TNRC6B: variants seen among roughly 807,000 people sequenced by gnomAD.
TNRC6B encodes the protein trinucleotide repeat-containing gene 6B protein.
A neutral mutation model predicts 203.6 loss-of-function variants in TNRC6B; 52 were observed. The ratio of observed to expected loss-of-function variants is 0.26; its 90% confidence interval spans 0.20 to 0.32. TNRC6B has a LOEUF of 0.32. TNRC6B is among the 10% of genes least tolerant of loss of function. The pLI is 1.00. For missense variants in TNRC6B, 1,923 were observed against 2,286.2 expected (o/e 0.84, Z 3.24); for synonymous variants, 838 against 845.7 (o/e 0.99, Z 0.16).
chr22:40,046,593 A>G (rs1043224547), intron 1 of TNRC6B, among the ~76,000 whole-genome samples: 2 of 148,804 alleles, frequency 1.3e-5, no homozygotes, highest in Non-Finnish European at 3.0e-5. Flanking sequence ...GATTTCCCTC[A>G]TTCAAATGGA....
Position 40,327,292 on chromosome 22 carries a change from G to A in TNRC6B, c.*4051G>A, listed in dbSNP as rs531706626. The stretch of plus-strand genomic sequence containing the variant: ...AGATACTCACCCATAAAGGAAATTG[G>A]AGTGGTTCTGGACAGGCCCCAAAGG... On this transcript the variant is annotated 3_prime_UTR_variant, in exon 23 of 23. Transcript: ENST00000454349. 1 of 152,788 alleles carries A rather than the reference G, an allele frequency of 6.5e-6. No homozygotes were observed. Among genetic ancestry groups the A allele is most frequent in the African/African-American group, 2.4e-5 (1 of 41,560 alleles). 9.5% of individuals were successfully genotyped at this position (152,788 alleles called of 1,614,324 possible).
chr22:40,069,697 G>T (rs560919145), intron 1 of TNRC6B, among the ~76,000 whole-genome samples: 2 of 151,878 alleles, frequency 1.3e-5, no homozygotes, highest in Non-Finnish European at 2.9e-5. Flanking sequence ...ATGTTGGTCA[G>T]GCTGGTCTTG....
At chr22:40,315,250 C>T in intron 19 of TNRC6B, 33 bp from the exon 20 acceptor site, 2 of 1,581,354 alleles carry the variant, frequency 1.3e-6, no homozygotes, top group Non-Finnish European at 1.7e-6. Flanking sequence ...AACCGTCTAA[C>T]CTTATTCCTT....
chr22:40,112,947 C>T (rs770119209), intron 1 of TNRC6B, among the ~76,000 whole-genome samples: 2 of 151,996 alleles, frequency 1.3e-5, no homozygotes, highest in Non-Finnish European at 2.9e-5. Flanking sequence ...GGTGAAACCC[C>T]GACTAAAAAT....
chr22:40,229,888 G>A (rs139530598), intron 1 of TNRC6B, among the ~76,000 whole-genome samples: 2 of 152,068 alleles, frequency 1.3e-5, no homozygotes, highest in Admixed American at 6.6e-5. Flanking sequence ...GCATTTGCTC[G>A]TTTTCAGCTC....
chr22:40,193,053 G>A (rs903572936), intron 1 of TNRC6B, among the ~76,000 whole-genome samples: 4 of 152,132 alleles, frequency 2.6e-5, no homozygotes, highest in African/African-American at 9.7e-5. Flanking sequence ...TAGGGCCGGC[G>A]CCCCAGCGGT....
chr22:40,281,438 G>A (rs2146523163), intron 11 of TNRC6B, 149 bp downstream of exon 11: 1 of 591,814 alleles, frequency 1.7e-6, no homozygotes, highest in Non-Finnish European at 2.6e-6. Flanking sequence ...AGATCTTTCA[G>A]CCCATAGAAC....
chr22:40,053,160 T>TAAA (rs76520904), intron 1 of TNRC6B, among the ~76,000 whole-genome samples: 2 of 135,506 alleles, frequency 1.5e-5, no homozygotes, highest in African/African-American at 5.3e-5. Context: ...AGATTTTCTT[T>TAAA]AAAAAAAAAA....
chr22:40,119,800 G>T (rs1178990091), intron 2 of TNRC6B, among the ~76,000 whole-genome samples: 2 of 152,108 alleles, frequency 1.3e-5, no homozygotes, highest in Non-Finnish European at 2.9e-5. Context: ...TTAGTTAACC[G>T]CACACTTCTG....
In TNRC6B at chr22:40,106,454, T is replaced by G. The variant is rs2068284305; in HGVS notation, c.-120-10601T>G. On this transcript the variant is annotated intron_variant, in intron 1 of 23. Transcript: ENST00000301923. ...ATTTTAAGGGCCACAGGAAGTTATT[T>G]GCTTCTTTGAAGCATTTTCCAACAG... 8 of 805,366 alleles carry G rather than the reference T, an allele frequency of 9.9e-6. No homozygotes were observed. In the African/African-American group the frequency reaches 1.4e-4, roughly 14 times the overall value. 49.9% of individuals were successfully genotyped at this position (805,366 alleles called of 1,614,324 possible). A position where few individuals can be genotyped will look rare whatever the true frequency, so the allele number is the denominator to read the frequency against.
chr22:40,148,016 C>G (rs993478577), intron 3 of TNRC6B, among the ~76,000 whole-genome samples: 1 of 152,116 alleles, frequency 6.6e-6, no homozygotes, highest in African/African-American at 2.4e-5. Flanking sequence ...GTACTTTAAA[C>G]AGGTGAACTT....
In TNRC6B at chr22:40,212,118, T is replaced by C. The variant is rs185434860; in HGVS notation, c.6-33897T>C. On this transcript the variant is annotated intron_variant, in intron 1 of 22. Coordinates refer to ENST00000454349, the MANE Select transcript of TNRC6B (RefSeq NM_001162501.2). Reference sequence around the variant, plus strand: ...TTTGACCTTGCTTATCTTGGAGTTATAGATTTATCTCCTCTCATTTACTTA... The same window carrying C: ...TTTGACCTTGCTTATCTTGGAGTTACAGATTTATCTCCTCTCATTTACTTA... Among the ~76,000 whole-genome samples the C allele has an allele frequency of 2.1e-3, 319 of 152,340 alleles. 1 individual carries two copies. Among genetic ancestry groups the C allele is most frequent in the African/African-American group, 7.3e-3 (303 of 41,574 alleles).
rs1293158727 is a variant in TNRC6B at position 40,325,691 on chromosome 22, A to G, written c.*2450A>G. ...CTGTCGTGCGGTGACCACCAGGTGAAGAGCAGCTTGTATTCAGACATCTAG... is the reference window on the plus strand; with the variant it reads ...CTGTCGTGCGGTGACCACCAGGTGAGGAGCAGCTTGTATTCAGACATCTAG... On this transcript the variant is annotated 3_prime_UTR_variant, in exon 23 of 23. Transcript: ENST00000454349. 1.3e-5 allele frequency: 2 copies of G among 152,692 alleles called. No homozygotes were observed. Among genetic ancestry groups the G allele is most frequent in the Non-Finnish European group, 2.9e-5 (2 of 68,058 alleles). 9.5% of individuals were successfully genotyped at this position (152,692 alleles called of 1,614,324 possible).
intron 21 of TNRC6B, among the ~76,000 whole-genome samples, chr22:40,319,129 G>A (rs568314446): frequency 1.2e-4 from 19 of 152,192 alleles, no homozygotes; most frequent in South Asian, 2.1e-4. Context: ...GGGGGTGGCC[G>A]TGTTTGGGTT....
chr22:40,083,496 T>C (rs1899469579), intron 1 of TNRC6B, among the ~76,000 whole-genome samples: 1 of 152,080 alleles, frequency 6.6e-6, no homozygotes, highest in South Asian at 2.1e-4. Context: ...TCTGATGAAG[T>C]TTGGCTGTGA....
At position 40,326,051 on chromosome 22, in the gene TNRC6B, GTATATA is replaced by G. The variant is rs941102015; in HGVS notation, c.*2815_*2820del. The G allele has an allele frequency of 6.6e-6, 1 of 152,004 alleles. No individual in the cohort carries two copies. The highest frequency in any genetic ancestry group is 1.5e-5 in the Non-Finnish European group (1 of 67,962). The allele number at this position is 152,004 out of a possible 1,614,324, so 9.4% of individuals were successfully genotyped here. A position where few individuals can be genotyped will look rare whatever the true frequency, so the allele number is the denominator to read the frequency against. ...TTAAAAAAAAAAGACCAAAAAGTGC[GTATATA>G]TATACATATAAATATATATTTTAGA... is the stretch of plus-strand genomic sequence containing the variant. On this transcript the variant is annotated 3_prime_UTR_variant, in exon 23 of 23. Coordinates refer to ENST00000454349, the MANE Select transcript of TNRC6B (RefSeq NM_001162501.2).
At chr22:40,210,672 G>A (rs1287646811) in intron 1 of TNRC6B, among the ~76,000 whole-genome samples, 5 of 152,160 alleles carry the variant, frequency 3.3e-5, no homozygotes, top group Admixed American at 6.5e-5. Flanking sequence ...ATAAAGACTG[G>A]CTTCAGAAAC....
chr22:40,063,699 C>CT (rs1190948494), intron 1 of TNRC6B, among the ~76,000 whole-genome samples: 4 of 148,980 alleles, frequency 2.7e-5, no homozygotes, highest in Admixed American at 2.0e-4. Flanking sequence ...TTCTTTTTTT[C>CT]TTTTTTTTCG....
At chr22:40,210,976 A>T (rs1418709879) in intron 1 of TNRC6B, among the ~76,000 whole-genome samples, 1 of 152,124 alleles carries the variant, frequency 6.6e-6, no homozygotes, top group Non-Finnish European at 1.5e-5. Context: ...ATATTGTCAG[A>T]TGTCTCCTGA....
Sources: gnomAD v4.1 joint callset for allele counts (sites outside exome capture counted in the v4.1 genomes callset) on GRCh38, gnomAD v4.1.1 for gene constraint, MANE v1.5 for transcripts, NCBI Gene and HGNC (gene_info 2026-07-23, HGNC 2026-07-21) for gene names.